The following PCSK2 variants were observed in gnomAD, a reference collection of about 807,000 sequenced individuals.
PCSK2 encodes neuroendocrine convertase 2.
PCSK2 carries 14 observed loss-of-function variants against 69.7 expected under a neutral mutation model. That is an observed-to-expected ratio of 0.20 (90% CI 0.13 to 0.31). The LOEUF (loss-of-function observed/expected upper bound fraction) is 0.31, where lower values mean the gene tolerates loss of function less well. Among genes scored for constraint, PCSK2 ranks in the 10% least tolerant of loss-of-function variants. PCSK2 has a pLI of 1.00. For missense variants in PCSK2, 544 were observed against 842.5 expected, an observed-to-expected ratio of 0.65 and a Z score of 4.39; for synonymous variants, 307 against 320.7, an observed-to-expected ratio of 0.96 and a Z score of 0.46.
At chr20:17,314,685 T>C (rs540597890) in intron 2 of PCSK2, among the ~76,000 whole-genome samples, 2 of 152,372 alleles carry the variant, frequency 1.3e-5, no homozygotes, top group East Asian at 3.9e-4. Context: ...TGAATGATTT[T>C]TAAAATTACA....
intron 8 of PCSK2, among the ~76,000 whole-genome samples, chr20:17,441,565 A>G (rs1168928276): frequency 6.6e-6 from 1 of 152,222 alleles, no homozygotes; most frequent in East Asian, 1.9e-4. Context: ...TTACAGTTCC[A>G]CATAGCTGGG....
chr20:17,364,616 C>T (rs1382049860), intron 4 of PCSK2, among the ~76,000 whole-genome samples: 2 of 152,272 alleles, frequency 1.3e-5, no homozygotes, highest in South Asian at 2.1e-4. Context: ...AACCCACCCC[C>T]ATGATTTAAT....
intron 2 of PCSK2, among the ~76,000 whole-genome samples, chr20:17,300,935 C>G (rs141945591): frequency 3.7e-4 from 57 of 152,232 alleles, no homozygotes; most frequent in African/African-American, 1.3e-3. Context: ...CATAATTTCC[C>G]TTAACCTTAA....
At chr20:17,448,559 A>T (rs35761565) in intron 8 of PCSK2, among the ~76,000 whole-genome samples, 1 of 151,898 alleles carries the variant, frequency 6.6e-6, no homozygotes, top group African/African-American at 2.4e-5. Context: ...CAGCCTGGGC[A>T]TATGGACATT....
Position 17,481,651 on chromosome 20 carries a change from T to C in PCSK2, c.1498T>C (p.Phe500Leu). 1 of 1,613,982 alleles carries C rather than the reference T, an allele frequency of 6.2e-7. No individual in the cohort carries two copies. The highest frequency in any genetic ancestry group is 8.5e-7 in the Non-Finnish European group (1 of 1,180,006). ...CGACGCCTGTGAGGGGAAGGAAAAT[T>C]TTGTCCGCTACCTGGAGCATGTCCA... ...TTDACEGKEN[F>L]VRYLEHVQAV... Residue 500 changes from phenylalanine to leucine, a missense_variant, in exon 12 of 12, where the codon TTT becomes CTT. By Grantham distance (22) the Phe-to-Leu change is conservative. This residue lies in a region of PCSK2 where 200 missense variants were observed against 287.8 expected (regional missense o/e 0.69). Coordinates refer to ENST00000262545, the MANE Select transcript of PCSK2 (RefSeq NM_002594.5).
chr20:17,465,587 G>A (rs373513793), intron 11 of PCSK2, 34 bp downstream of exon 11: 3 of 1,357,818 alleles, frequency 2.2e-6, no homozygotes, highest in Non-Finnish European at 2.0e-6. Context: ...TGCTGCATGT[G>A]GAAAGTGCCC....
chr20:17,456,622 CGTGCGT>C (rs1232622478), intron 10 of PCSK2, among the ~76,000 whole-genome samples, 174 bp downstream of exon 10: 4 of 152,222 alleles, frequency 2.6e-5, no homozygotes, highest in African/African-American at 7.2e-5. Flanking sequence ...CACCAGCACA[CGTGCGT>C]GTGCATACAC....
At chr20:17,364,767 T>C (rs2030535252) in intron 4 of PCSK2, among the ~76,000 whole-genome samples, 1 of 152,184 alleles carries the variant, frequency 6.6e-6, no homozygotes, top group Non-Finnish European at 1.5e-5. Context: ...GGGAAGAGCC[T>C]GGCTGGGCAC....
intron 1 of PCSK2, among the ~76,000 whole-genome samples, chr20:17,249,719 T>C (rs1157104057): frequency 6.6e-6 from 1 of 152,120 alleles, no homozygotes; most frequent in African/African-American, 2.4e-5. Context: ...GAAGACATTG[T>C]GCTTAAGTAA....
chr20:17,479,500 AC>A, intron 11 of PCSK2: 1 of 427,256 alleles, frequency 2.3e-6, no homozygotes. Context: ...GTCTTATTTA[AC>A]CACACAAGAA....
chr20:17,459,580 G>T (rs2032979577), intron 10 of PCSK2, among the ~76,000 whole-genome samples: 1 of 152,206 alleles, frequency 6.6e-6, no homozygotes, highest in Non-Finnish European at 1.5e-5. Flanking sequence ...TTGCCAAAAT[G>T]TGGTATTATT....
chr20:17,337,571 G>A (rs1235431204), intron 2 of PCSK2, among the ~76,000 whole-genome samples: 1 of 152,084 alleles, frequency 6.6e-6, no homozygotes, highest in African/African-American at 2.4e-5. Flanking sequence ...AGAAAACTCT[G>A]CCTTATCTTA....
At position 17,482,805 on chromosome 20, in the gene PCSK2, A is replaced by T. The variant is rs1199186400; in HGVS notation, c.*735A>T. ...AGCTGCTGCTCTGAGTTATGTTAAA[A>T]TCCGCTAGAGCAGCCCAAATTTTTC... On this transcript the variant is annotated 3_prime_UTR_variant, in exon 12 of 12. Coordinates refer to ENST00000262545, the MANE Select transcript of PCSK2 (RefSeq NM_002594.5). The T allele has an allele frequency of 6.6e-6, 1 of 152,460 alleles. No individual in the cohort carries two copies. Among genetic ancestry groups the T allele is most frequent in the Admixed American group, 6.5e-5 (1 of 15,272 alleles). The allele number at this position is 152,460 out of a possible 1,614,324, so 9.4% of individuals were successfully genotyped here.
rs116971471 is a variant in PCSK2 at position 17,374,320 on chromosome 20, C to T, written c.543+5043C>T. Among the ~76,000 whole-genome samples, 1,420 of 152,250 alleles carry T rather than the reference C, an allele frequency of 9.3e-3. 14 individuals carry two copies. The highest frequency in any genetic ancestry group is 0.027 in the Middle Eastern group (8 of 294). Reference sequence around the variant, plus strand: ...CTCCCAATCCAGTGAGGATTGCAGGCTGGGTTCACAGTACGGGCCCAAGCT... The same window carrying T: ...CTCCCAATCCAGTGAGGATTGCAGGTTGGGTTCACAGTACGGGCCCAAGCT... On this transcript the variant is annotated intron_variant, in intron 5 of 11. Transcript: ENST00000262545.
intron 6 of PCSK2, among the ~76,000 whole-genome samples, chr20:17,411,019 A>G (rs887933094): frequency 7.9e-5 from 12 of 152,192 alleles, no homozygotes; most frequent in African/African-American, 2.4e-4. Flanking sequence ...ATTATCCCCC[A>G]ATCTCATTTT....
intron 1 of PCSK2, among the ~76,000 whole-genome samples, chr20:17,253,509 G>A (rs1285928200): frequency 6.6e-6 from 1 of 152,066 alleles, no homozygotes; most frequent in African/African-American, 2.4e-5. Context: ...AGTTTTCAAG[G>A]TTCTTCCGTG....
At chr20:17,344,164 T>C (rs1439108388) in intron 2 of PCSK2, among the ~76,000 whole-genome samples, 2 of 152,242 alleles carry the variant, frequency 1.3e-5, no homozygotes, top group Non-Finnish European at 2.9e-5. Flanking sequence ...TAACGCCCTG[T>C]CATCGGGTGC....
intron 2 of PCSK2, among the ~76,000 whole-genome samples, chr20:17,286,036 A>C (rs1988500468): frequency 6.6e-6 from 1 of 152,244 alleles, no homozygotes; most frequent in African/African-American, 2.4e-5. Context: ...ATAATTTTGA[A>C]AGCCTGCAAA....
chr20:17,235,093 T>C (rs1986289026), intron 1 of PCSK2, among the ~76,000 whole-genome samples: 1 of 152,212 alleles, frequency 6.6e-6, no homozygotes, highest in African/African-American at 2.4e-5. Context: ...GGATGGTTTA[T>C]ATGCGAGACA....
Sources: gnomAD v4.1 joint callset for allele counts (sites outside exome capture counted in the v4.1 genomes callset) on GRCh38, gnomAD v4.1.1 for gene constraint, gnomAD v4.1.1 regional missense constraint, MANE v1.5 for transcripts, NCBI Gene and HGNC (gene_info 2026-07-23, HGNC 2026-07-21) for gene names.